The following CHCHD6 variants were observed in gnomAD, a reference collection of about 807,000 sequenced individuals.
CHCHD6 encodes coiled-coil-helix-coiled-coil-helix domain containing 6.
Under a neutral mutation model 32.3 loss-of-function variants are expected in CHCHD6, and 28 were observed. The observed-to-expected ratio is 0.87, with a 90% confidence interval of 0.64 to 1.19. The LOEUF (loss-of-function observed/expected upper bound fraction) is 1.19, where lower values mean the gene tolerates loss of function less well. Ranked by LOEUF, CHCHD6 falls within the 50% of genes most tolerant of loss-of-function variation. CHCHD6 has a pLI of 0.00. For synonymous variants in CHCHD6, 122 were observed against 117.5 expected (o/e 1.04, Z -0.25); for missense variants, 333 against 307.0 (o/e 1.08, Z -0.63).
chr3:126,800,220 T>A (rs1938998971), intron 4 of CHCHD6, among the ~76,000 whole-genome samples: 1 of 152,246 alleles, frequency 6.6e-6, no homozygotes, highest in Non-Finnish European at 1.5e-5. Flanking sequence ...GATGTGAGAC[T>A]TGAGGGCATC....
At chr3:126,871,424 C>A (rs1303635795) in intron 5 of CHCHD6, among the ~76,000 whole-genome samples, 1 of 152,130 alleles carries the variant, frequency 6.6e-6, no homozygotes, top group Non-Finnish European at 1.5e-5. Flanking sequence ...TCTACGAAAA[C>A]TTCCTCCACA....
intron 6 of CHCHD6, among the ~76,000 whole-genome samples, chr3:126,955,564 A>C (rs537647107): frequency 6.6e-6 from 1 of 152,188 alleles, no homozygotes; most frequent in African/African-American, 2.4e-5. Flanking sequence ...CTCCCTTCAC[A>C]TCCTTTACCT....
intron 4 of CHCHD6, among the ~76,000 whole-genome samples, chr3:126,770,852 G>A (rs1937530092): frequency 1.3e-5 from 2 of 152,182 alleles, no homozygotes; most frequent in Admixed American, 1.3e-4. Flanking sequence ...TGAATGAGTT[G>A]TGGAGAAGTC....
intron 4 of CHCHD6, among the ~76,000 whole-genome samples, chr3:126,753,993 T>C (rs772918776): frequency 1.3e-5 from 2 of 152,190 alleles, no homozygotes; most frequent in African/African-American, 4.8e-5. Flanking sequence ...GGGATCCTGT[T>C]AGAATTATTC....
intron 1 of CHCHD6, among the ~76,000 whole-genome samples, chr3:126,720,733 C>T (rs1935241010): frequency 6.6e-6 from 1 of 152,092 alleles, no homozygotes; most frequent in Admixed American, 6.5e-5. Flanking sequence ...GCTCCGTGTC[C>T]CCACCTATGG....
At position 126,823,536 on chromosome 3, in the gene CHCHD6, A is replaced by G. The variant is rs550664712; in HGVS notation, c.412-29111A>G. On this transcript the variant is annotated intron_variant, in intron 4 of 7. Coordinates refer to ENST00000290913, the MANE Select transcript of CHCHD6 (RefSeq NM_032343.3). Reference sequence around the variant, plus strand: ...TTAATTTTTTATTTCTTGTTAGTATATAGGAATATAATTGATTTTTATGTA... The same window carrying G: ...TTAATTTTTTATTTCTTGTTAGTATGTAGGAATATAATTGATTTTTATGTA... Among the ~76,000 whole-genome samples, 4 of 152,324 alleles carry G rather than the reference A, an allele frequency of 2.6e-5. No individual in the cohort carries two copies. The South Asian group carries it at 8.3e-4, about 32-fold the overall frequency.
chr3:126,845,551 C>A (rs1395682931), intron 4 of CHCHD6, among the ~76,000 whole-genome samples: 1 of 152,154 alleles, frequency 6.6e-6, no homozygotes, highest in Non-Finnish European at 1.5e-5. Flanking sequence ...TTTTGCCCCA[C>A]TTTTCTCTTC....
chr3:126,946,026 G>A (rs536674216), intron 6 of CHCHD6, among the ~76,000 whole-genome samples: 17 of 152,054 alleles, frequency 1.1e-4, no homozygotes, highest in South Asian at 2.1e-4. Flanking sequence ...GGAAGGTCAC[G>A]TCATAGGATT....
At chr3:126,797,593 AT>A (rs560420195) in intron 4 of CHCHD6, among the ~76,000 whole-genome samples, 3 of 151,990 alleles carry the variant, frequency 2.0e-5, no homozygotes, top group East Asian at 1.9e-4. Flanking sequence ...TTTCAAATGT[AT>A]TTTTTTTAAT....
chr3:126,809,513 T>C (rs1469543394), intron 4 of CHCHD6, among the ~76,000 whole-genome samples: 2 of 152,268 alleles, frequency 1.3e-5, no homozygotes, highest in South Asian at 2.1e-4. Context: ...TTGGCACCTA[T>C]TGAGTGGAAA....
intron 4 of CHCHD6, among the ~76,000 whole-genome samples, chr3:126,808,605 G>A (rs1939518612): frequency 6.6e-6 from 1 of 152,110 alleles, no homozygotes; most frequent in South Asian, 2.1e-4. Context: ...GAAGAACTGA[G>A]GGTCCTGGGA....
intron 5 of CHCHD6, among the ~76,000 whole-genome samples, chr3:126,896,275 G>A (rs986847193): frequency 6.6e-6 from 1 of 152,172 alleles, no homozygotes; most frequent in African/African-American, 2.4e-5. Context: ...CTACACCCTG[G>A]AGGGCATATG....
chr3:126,747,915 C>T (rs1936569158), intron 4 of CHCHD6, among the ~76,000 whole-genome samples: 1 of 152,316 alleles, frequency 6.6e-6, no homozygotes, highest in Non-Finnish European at 1.5e-5. Flanking sequence ...CTCTGACCTC[C>T]TGGGCGTTAC....
At chr3:126,938,722 T>C (rs1306105070) in intron 6 of CHCHD6, among the ~76,000 whole-genome samples, 1 of 151,912 alleles carries the variant, frequency 6.6e-6, no homozygotes, top group Admixed American at 6.6e-5. Flanking sequence ...TCACAGTGAT[T>C]CATAGCAGGA....
intron 6 of CHCHD6, among the ~76,000 whole-genome samples, chr3:126,921,339 T>C (rs769220323): frequency 1.4e-4 from 22 of 152,134 alleles, no homozygotes; most frequent in Admixed American, 1.2e-3. Context: ...TTTGGAAGAA[T>C]CCTGTTGTTA....
intron 5 of CHCHD6, among the ~76,000 whole-genome samples, chr3:126,898,133 A>G (rs1007282322): frequency 1.3e-5 from 2 of 152,262 alleles, no homozygotes; most frequent in African/African-American, 4.8e-5. Context: ...CGCAGGACCC[A>G]GTGCAAGGTC....
Position 126,766,406 on chromosome 3 carries a change from T to C in CHCHD6, c.411+33184T>C, listed in dbSNP as rs1937371804. On this transcript the variant is annotated intron_variant, in intron 4 of 7. Coordinates refer to ENST00000290913, the MANE Select transcript of CHCHD6 (RefSeq NM_032343.3). ...TGGAAGTGACAGCTGCCACGAGAGG[T>C]GTAGAGTCGGAGAAGTCTCTGGGAG... 66 of 571,190 alleles carry C rather than the reference T, an allele frequency of 1.2e-4. 1 individual carries two copies. Among genetic ancestry groups the C allele is most frequent in the South Asian group, 9.7e-4 (57 of 58,752 alleles). The allele number at this position is 571,190 out of a possible 1,614,324, so 35.4% of individuals were successfully genotyped here. A position where few individuals can be genotyped will look rare whatever the true frequency, so the allele number is the denominator to read the frequency against.
chr3:126,752,757 C>A (rs1239347595), intron 4 of CHCHD6, among the ~76,000 whole-genome samples: 1 of 152,174 alleles, frequency 6.6e-6, no homozygotes, highest in African/African-American at 2.4e-5. Flanking sequence ...TGAGGAAGGG[C>A]CCGCTTTTCT....
chr3:126,943,167 G>A (rs1055558694), intron 6 of CHCHD6, among the ~76,000 whole-genome samples: 1 of 152,146 alleles, frequency 6.6e-6, no homozygotes, highest in South Asian at 2.1e-4. Context: ...GGCTGCCTTA[G>A]CTGCAAGCAG....
Sources: gnomAD v4.1 joint callset for allele counts (sites outside exome capture counted in the v4.1 genomes callset) on GRCh38, gnomAD v4.1.1 for gene constraint, MANE v1.5 for transcripts, NCBI Gene and HGNC (gene_info 2026-07-23, HGNC 2026-07-21) for gene names.